The following SAP30BP variants were observed in gnomAD, a reference collection of about 807,000 sequenced individuals.
SAP30BP encodes the protein SAP30-binding protein.
SAP30BP carries 31 observed loss-of-function variants against 46.3 expected under a neutral mutation model. The observed-to-expected ratio is 0.67, with a 90% CI of 0.50 to 0.90. The LOEUF (loss-of-function observed/expected upper bound fraction) is 0.90. Ranked by LOEUF, SAP30BP falls within the 40% of genes least tolerant of loss-of-function variation. The pLI is 0.00. For missense variants in SAP30BP, 312 were observed against 391.0 expected, an observed-to-expected ratio of 0.80 and a Z score of 1.70; for synonymous variants, 169 against 144.2, an observed-to-expected ratio of 1.17 and a Z score of -1.23.
rs548678946 is a variant in SAP30BP, at chr17:75,669,226, C to T, written c.216+601C>T. Among the ~76,000 whole-genome samples the T allele has an allele frequency of 1.4e-4, 21 of 151,892 alleles. No individual in the cohort carries two copies. In the South Asian group the frequency reaches 2.7e-3, roughly 20 times the overall value. On this transcript the variant is annotated intron_variant, in intron 2 of 10. Coordinates refer to ENST00000584667, the MANE Select transcript of SAP30BP (RefSeq NM_013260.8). The stretch of plus-strand genomic sequence containing the variant: ...CCCAGTAGCTGGGACTACAGGTGGG[C>T]GCCACCATGCCTAGCTAACCTATTA...
At chr17:75,702,637 C>T (rs1166084231) in intron 6 of SAP30BP, 66 bp downstream of exon 6, 7 of 739,176 alleles carry the variant, frequency 9.5e-6, no homozygotes, top group Non-Finnish European at 1.6e-5. Context: ...CTAAGACGTC[C>T]CCAAGGAGGT....
chr17:75,694,072 G>T (rs934966964), intron 4 of SAP30BP, among the ~76,000 whole-genome samples: 1 of 152,154 alleles, frequency 6.6e-6, no homozygotes, highest in Middle Eastern at 3.4e-3. Flanking sequence ...AAGCCCGACC[G>T]GGGGGCAGTT....
chr17:75,704,037 G>A (rs1417453772), intron 8 of SAP30BP, among the ~76,000 whole-genome samples, 178 bp downstream of exon 8: 1 of 124,740 alleles, frequency 8.0e-6, no homozygotes, highest in Admixed American at 8.1e-5. Flanking sequence ...AGAGGCTTAT[G>A]CCACAGCAAA....
intron 6 of SAP30BP, 67 bp downstream of exon 6, chr17:75,702,638 C>A: frequency 2.7e-6 from 2 of 734,668 alleles, no homozygotes; most frequent in East Asian, 2.7e-5. Flanking sequence ...TAAGACGTCC[C>A]CAAGGAGGTG....
intron 3 of SAP30BP, among the ~76,000 whole-genome samples, chr17:75,687,365 C>T (rs956259087): frequency 1.3e-5 from 2 of 152,114 alleles, no homozygotes; most frequent in South Asian, 2.1e-4. Context: ...CCTGTAATCC[C>T]AGCATTTTGG....
intron 3 of SAP30BP, among the ~76,000 whole-genome samples, chr17:75,690,161 T>C (rs986528111): frequency 6.6e-6 from 1 of 152,136 alleles, no homozygotes; most frequent in African/African-American, 2.4e-5. Context: ...GTTCATCACA[T>C]GTTTTTTCTG....
intron 3 of SAP30BP, among the ~76,000 whole-genome samples, chr17:75,679,317 G>A (rs1188773909): frequency 2.0e-5 from 3 of 152,114 alleles, no homozygotes; most frequent in South Asian, 2.1e-4. Context: ...TGTAAGAAAC[G>A]ACTTGTCATC....
At chr17:75,673,724 T>C (rs888408383) in intron 3 of SAP30BP, among the ~76,000 whole-genome samples, 1 of 152,116 alleles carries the variant, frequency 6.6e-6, no homozygotes, top group Non-Finnish European at 1.5e-5. Context: ...AAACAGACTT[T>C]ACTGCTGTCC....
intron 3 of SAP30BP, chr17:75,692,579 T>C (rs536805285): frequency 1.1e-6 from 1 of 907,062 alleles, no homozygotes; most frequent in East Asian, 1.2e-4. Flanking sequence ...GGAAGACTTG[T>C]GACGGAGGGC....
chr17:75,703,035 G>C (rs1396147624), intron 6 of SAP30BP: 1 of 496,190 alleles, frequency 2.0e-6, no homozygotes, highest in Non-Finnish European at 3.6e-6. Context: ...CATGGCCCTT[G>C]TGTGGGTCTG....
intron 3 of SAP30BP, among the ~76,000 whole-genome samples, chr17:75,676,955 T>G (rs554770779): frequency 6.6e-6 from 1 of 152,274 alleles, no homozygotes; most frequent in South Asian, 2.1e-4. Context: ...CATTGCTATG[T>G]GTGCTTTTCC....
rs576335127 is a variant in SAP30BP at position 75,699,886 on chromosome 17, C to T, written c.396+15C>T. The T allele has an allele frequency of 8.2e-6, 13 of 1,588,932 alleles. No individual in the cohort carries two copies. The highest frequency in any genetic ancestry group is 3.3e-4 in the Middle Eastern group (2 of 6,004). ...ATCACTTGCAAGTAAGCATGAGACT[C>T]GGCTACTGAGGTCGGATAGATTAGA... On this transcript the variant is annotated intron_variant, in intron 5 of 10. Transcript: ENST00000584667.
In SAP30BP at chr17:75,707,574, G is replaced by A. The variant is rs2060517199; in HGVS notation, c.*1053G>A. The stretch of plus-strand genomic sequence containing the variant: ...AGTGGGTGGGCAGAGGTTTAGAAAG[G>A]TGGTTCTGAAATGGCACCTGGTACT... On this transcript the variant is annotated 3_prime_UTR_variant, in exon 11 of 11. Transcript: ENST00000584667. 1 of 152,692 alleles carries A rather than the reference G, an allele frequency of 6.5e-6. No homozygotes were observed. 9.5% of individuals were successfully genotyped at this position (152,692 alleles called of 1,614,324 possible).
intron 3 of SAP30BP, among the ~76,000 whole-genome samples, chr17:75,688,721 A>G (rs890709254): frequency 6.6e-6 from 1 of 152,128 alleles, no homozygotes; most frequent in Non-Finnish European, 1.5e-5. Flanking sequence ...CAGCTTGTCC[A>G]GTTTCGTGGG....
At chr17:75,693,036 A>C in intron 3 of SAP30BP, 1 of 161,776 alleles carries the variant, frequency 6.2e-6, no homozygotes, top group Non-Finnish European at 1.3e-5. Context: ...TACCAGCGGT[A>C]GAGGTGGTGA....
intron 2 of SAP30BP, among the ~76,000 whole-genome samples, chr17:75,671,566 A>G (rs1361513750): frequency 6.6e-6 from 1 of 152,148 alleles, no homozygotes; most frequent in Admixed American, 6.5e-5. Context: ...ATTGATGTGG[A>G]CTGTCTCACC....
Position 75,677,246 on chromosome 17 carries a change from A to C in SAP30BP, c.264+5383A>C, listed in dbSNP as rs1411206823. Among the ~76,000 whole-genome samples the C allele has an allele frequency of 2.0e-5, 3 of 150,426 alleles. No individual in the cohort carries two copies. In the East Asian group the frequency reaches 5.9e-4, roughly 30 times the overall value. ...TCAGCTTCCTGAGTAGCTGGGATAC[A>C]GGCACGCGCCACCATGGCCGGCTAA... On this transcript the variant is annotated intron_variant, in intron 3 of 10. Coordinates refer to ENST00000584667, the MANE Select transcript of SAP30BP (RefSeq NM_013260.8).
At chr17:75,690,852 G>A (rs2060231448) in intron 3 of SAP30BP, 2 of 433,044 alleles carry the variant, frequency 4.6e-6, no homozygotes, top group Admixed American at 2.5e-5. Context: ...ACACCAATGG[G>A]AATCTGAACC....
At chr17:75,700,915 T>C (rs2060400299) in intron 5 of SAP30BP, among the ~76,000 whole-genome samples, 1 of 152,234 alleles carries the variant, frequency 6.6e-6, no homozygotes, top group African/African-American at 2.4e-5. Flanking sequence ...TAGTTCATCT[T>C]GAGTAGTAGA....
Sources: allele counts gnomAD v4.1 joint callset (sites outside exome capture counted in the v4.1 genomes callset), GRCh38; gene constraint gnomAD v4.1.1; transcripts MANE v1.5; gene names NCBI Gene and HGNC (gene_info 2026-07-23, HGNC 2026-07-21).